Variants in ZNF292 observed in about 807,000 individuals in gnomAD.
The protein encoded by ZNF292 is 16 zinc-finger domain protein.
ZNF292 carries 26 observed loss-of-function variants against 217.9 expected under a neutral mutation model. The ratio of observed to expected loss-of-function variants is 0.12; its 90% CI spans 0.09 to 0.17. The LOEUF is 0.17. Among genes scored for constraint, ZNF292 ranks in the 10% least tolerant of loss-of-function variants. The pLI is 1.00. For missense variants in ZNF292, 2,904 were observed against 3,175.2 expected, an observed-to-expected ratio of 0.91 and a Z score of 2.05; for synonymous variants, 1,257 against 1,124.1, an observed-to-expected ratio of 1.12 and a Z score of -2.37.
intron 1 of ZNF292, among the ~76,000 whole-genome samples, chr6:87,187,020 A>G (rs192637908): frequency 1.3e-5 from 2 of 152,326 alleles, no homozygotes; most frequent in African/African-American, 4.8e-5. Flanking sequence ...CTATAGTTGT[A>G]TATCATTCTG....
In ZNF292 at chr6:87,256,026, T is replaced by C; in HGVS notation, c.2397T>C (p.His799=). The C allele has an allele frequency of 2.5e-6, 4 of 1,607,872 alleles. No individual in the cohort carries two copies. Among genetic ancestry groups the C allele is most frequent in the Non-Finnish European group, 3.4e-6 (4 of 1,176,570 alleles). Residue 799 remains histidine, a synonymous_variant, in exon 8 of 8, where the codon CAT becomes CAC. Coordinates refer to ENST00000369577, the MANE Select transcript of ZNF292 (RefSeq NM_015021.3). The part of the protein sequence containing the change: ...IFSEAYLLYD[H]EAQHYNTYTC... ...CGGAAGCTTATTTACTATATGATCA[T>C]GAAGCACAACATTATAATACGTACA...
At chr6:87,196,490 A>C (rs1022025313) in intron 1 of ZNF292, among the ~76,000 whole-genome samples, 19 of 152,250 alleles carry the variant, frequency 1.2e-4, no homozygotes, top group African/African-American at 2.4e-5. Flanking sequence ...GCATATACTG[A>C]ATAACAAATA....
At chr6:87,240,725 G>A (rs1399905228) in intron 5 of ZNF292, among the ~76,000 whole-genome samples, 1 of 152,164 alleles carries the variant, frequency 6.6e-6, no homozygotes, top group Non-Finnish European at 1.5e-5. Context: ...CAGCCTAAGA[G>A]TGGCTTAGGT....
In ZNF292 at chr6:87,215,141, A is replaced by G. The variant is rs116329852; in HGVS notation, c.169-762A>G. ...ATTTAGCATAACTATAGAACCTTTT[A>G]GGTAAGAGTCTTAACATGTGTGTTT... On this transcript the variant is annotated intron_variant, in intron 1 of 7. Transcript: ENST00000369577. The G allele has an allele frequency of 3.3e-3, 500 of 152,234 alleles. 4 individuals are homozygous for G. Among genetic ancestry groups the G allele is most frequent in the African/African-American group, 0.011 (463 of 41,494 alleles). 9.4% of individuals were successfully genotyped at this position (152,234 alleles called of 1,614,324 possible).
At chr6:87,213,967 G>A (rs1282393612) in intron 1 of ZNF292, 2 of 152,064 alleles carry the variant, frequency 1.3e-5, no homozygotes, top group African/African-American at 4.8e-5. Context: ...TCAAGAGATG[G>A]GAAGAAACAG....
intron 1 of ZNF292, among the ~76,000 whole-genome samples, chr6:87,163,223 G>A (rs1582365581): frequency 6.6e-6 from 1 of 152,066 alleles, no homozygotes; most frequent in Non-Finnish European, 1.5e-5. Context: ...AGGCCGAGGC[G>A]GGCAGATCAT....
chr6:87,188,513 A>G (rs1054009905), intron 1 of ZNF292, among the ~76,000 whole-genome samples: 2 of 152,128 alleles, frequency 1.3e-5, no homozygotes, highest in African/African-American at 4.8e-5. Flanking sequence ...TAAACATTGT[A>G]TATATCCAAG....
intron 7 of ZNF292, among the ~76,000 whole-genome samples, 154 bp from the exon 8 acceptor site, chr6:87,254,496 C>T (rs544976666): frequency 6.6e-6 from 1 of 152,310 alleles, no homozygotes; most frequent in South Asian, 2.1e-4. Context: ...ACACACATAC[C>T]AGACTAAGCT....
At chr6:87,203,384 C>T (rs924488680) in intron 1 of ZNF292, among the ~76,000 whole-genome samples, 5 of 151,952 alleles carry the variant, frequency 3.3e-5, no homozygotes, top group African/African-American at 9.7e-5. Flanking sequence ...CTTAAGTGAT[C>T]CACCCGCCTC....
At chr6:87,184,935 T>C (rs781094498) in intron 1 of ZNF292, among the ~76,000 whole-genome samples, 2 of 152,248 alleles carry the variant, frequency 1.3e-5, no homozygotes, top group African/African-American at 2.4e-5. Flanking sequence ...GTATTTGCTC[T>C]CTTGGCTTCT....
At position 87,243,468 on chromosome 6, in the gene ZNF292, T is replaced by G; in HGVS notation, c.742-7T>G. 6.5e-7 allele frequency: 1 copy of G among 1,541,240 alleles called. No individual in the cohort carries two copies. The highest frequency in any genetic ancestry group is 8.7e-7 in the Non-Finnish European group (1 of 1,144,508). On this transcript the variant is annotated splice_polypyrimidine_tract_variant and splice_region_variant and intron_variant, in intron 5 of 7. Coordinates refer to ENST00000369577, the MANE Select transcript of ZNF292 (RefSeq NM_015021.3). ...TTGTGGCATATTTCTATTGGCTTTT[T>G]CTTTAGATTTCAGAAGTTGATTGCA...
intron 1 of ZNF292, among the ~76,000 whole-genome samples, chr6:87,214,539 G>GT (rs1257955174): frequency 1.3e-5 from 2 of 152,054 alleles, no homozygotes; most frequent in Non-Finnish European, 2.9e-5. Flanking sequence ...TGAGAAACAC[G>GT]TTTTTCCACT....
At chr6:87,164,985 G>A (rs143335649) in intron 1 of ZNF292, among the ~76,000 whole-genome samples, 2,649 of 150,034 alleles carry the variant, frequency 0.018, 152 homozygotes, top group Admixed American at 0.11. Flanking sequence ...GGCTGGTCTC[G>A]AACTCCTGAC....
chr6:87,165,522 T>C (rs993167205), intron 1 of ZNF292, among the ~76,000 whole-genome samples: 9 of 152,234 alleles, frequency 5.9e-5, no homozygotes, highest in African/African-American at 7.2e-5. Context: ...CTTTACTATG[T>C]GTGGCACATT....
chr6:87,248,190 TTTTA>T (rs1276321881), intron 7 of ZNF292, among the ~76,000 whole-genome samples: 4 of 152,184 alleles, frequency 2.6e-5, no homozygotes, highest in African/African-American at 7.2e-5. Context: ...TAAGTGAATT[TTTTA>T]TTTGTTTTTT....
At position 87,258,989 on chromosome 6, in the gene ZNF292, C is replaced by T. The variant is rs766037864; in HGVS notation, c.5360C>T (p.Ala1787Val). The change falls in exon 8 of 8, where the codon GCT becomes GTT. Residue 1787 changes from alanine (A) to valine (V), a missense_variant. Coordinates refer to ENST00000369577, the MANE Select transcript of ZNF292 (RefSeq NM_015021.3). ...GGTGCTGGTGAAACTTCACAAAATG[C>T]TCAAATAAATTATAACATTCAGCTT... is the stretch of plus-strand genomic sequence containing the variant. ...SQGAGETSQNAQINYNIQLPS... is the reference protein window; with the variant it reads ...SQGAGETSQNVQINYNIQLPS... The T allele has an allele frequency of 3.7e-5, 60 of 1,613,342 alleles. No homozygotes were observed. Among genetic ancestry groups the T allele is most frequent in the Non-Finnish European group, 4.6e-5 (54 of 1,179,648 alleles).
At chr6:87,157,837 C>T (rs1404374199) in intron 1 of ZNF292, among the ~76,000 whole-genome samples, 1 of 152,086 alleles carries the variant, frequency 6.6e-6, no homozygotes, top group African/African-American at 2.4e-5. Flanking sequence ...TACAGGCGTG[C>T]GCCACCAAGC....
At chr6:87,164,190 G>A (rs1210869048) in intron 1 of ZNF292, among the ~76,000 whole-genome samples, 6 of 152,126 alleles carry the variant, frequency 3.9e-5, no homozygotes, top group African/African-American at 1.4e-4. Flanking sequence ...TTCTGGGGCT[G>A]AATAGTCCCA....
chr6:87,253,331 C>T (rs1554205961), intron 7 of ZNF292, among the ~76,000 whole-genome samples: 1 of 150,568 alleles, frequency 6.6e-6, no homozygotes, highest in Admixed American at 6.7e-5. Context: ...CAGGTTCAAG[C>T]GATCCTCCTT....
Sources: gnomAD v4.1 joint callset for allele counts (sites outside exome capture counted in the v4.1 genomes callset) on GRCh38, gnomAD v4.1.1 for gene constraint, MANE v1.5 for transcripts, NCBI Gene and HGNC (gene_info 2026-07-23, HGNC 2026-07-21) for gene names.